The following TNRC6B variants were observed in gnomAD, a reference collection of about 807,000 sequenced individuals.
TNRC6B encodes trinucleotide repeat containing adaptor 6B.
A neutral mutation model predicts 203.6 loss-of-function variants in TNRC6B; 52 were observed. The observed-to-expected ratio is 0.26, with a 90% CI of 0.20 to 0.32. The LOEUF (loss-of-function observed/expected upper bound fraction) is 0.32, where lower values mean the gene tolerates loss of function less well. Among genes scored for constraint, TNRC6B ranks in the 10% least tolerant of loss-of-function variants. The probability of loss-of-function intolerance (pLI) is 1.00; values close to 1 mark genes in which losing one functional copy is unlikely to be tolerated. For missense variants in TNRC6B, 1,923 were observed against 2,286.2 expected, an observed-to-expected ratio of 0.84 and a Z score of 3.24; for synonymous variants, 838 against 845.7, an observed-to-expected ratio of 0.99 and a Z score of 0.16.
intron 1 of TNRC6B, among the ~76,000 whole-genome samples, chr22:40,109,758 T>G (rs760929387): frequency 6.6e-6 from 1 of 152,214 alleles, no homozygotes; most frequent in Non-Finnish European, 1.5e-5. Flanking sequence ...AATCCCAGTT[T>G]CTCTCTGAAG....
intron 15 of TNRC6B, among the ~76,000 whole-genome samples, chr22:40,303,025 C>T (rs1432704048): frequency 1.7e-5 from 2 of 116,902 alleles, no homozygotes; most frequent in African/African-American, 2.8e-5. Context: ...GTATTTCCTT[C>T]TTCTTCTTCT....
Position 40,308,423 on chromosome 22 carries a change from A to G in TNRC6B, c.4121-89A>G, listed in dbSNP as rs570584883. ...GAGAAACTCTGTGAATTAGTCTTTG[A>G]ATGACACTTGAAGGCATTCCTGGAC... On this transcript the variant is annotated intron_variant, in intron 15 of 22. Coordinates refer to ENST00000454349, the MANE Select transcript of TNRC6B (RefSeq NM_001162501.2). 8 of 1,454,658 alleles carry G rather than the reference A, an allele frequency of 5.5e-6. No individual in the cohort carries two copies. In the South Asian group the frequency reaches 8.0e-5, roughly 15 times the overall value. The allele number at this position is 1,454,658 out of a possible 1,614,324, so 90.1% of individuals were successfully genotyped here. A position where few individuals can be genotyped will look rare whatever the true frequency, so the allele number is the denominator to read the frequency against.
chr22:40,301,496 T>C, intron 15 of TNRC6B, 163 bp downstream of exon 15: 1 of 768,060 alleles, frequency 1.3e-6, no homozygotes, highest in Non-Finnish European at 2.0e-6. Flanking sequence ...TTCTTGAGTT[T>C]CAGTGGGTTT....
intron 1 of TNRC6B, among the ~76,000 whole-genome samples, chr22:40,104,881 A>T (rs2146307964): frequency 6.6e-6 from 1 of 152,326 alleles, no homozygotes; most frequent in South Asian, 2.1e-4. Context: ...GACCAATCGC[A>T]CACTACTAGT....
intron 1 of TNRC6B, among the ~76,000 whole-genome samples, chr22:40,083,016 T>C (rs545297095): frequency 3.9e-5 from 6 of 152,308 alleles, no homozygotes; most frequent in African/African-American, 1.2e-4. Context: ...ACTACAGATA[T>C]AAATATGAAG....
At chr22:40,203,318 T>C (rs1231715340) in intron 1 of TNRC6B, among the ~76,000 whole-genome samples, 2 of 152,104 alleles carry the variant, frequency 1.3e-5, no homozygotes, top group Non-Finnish European at 2.9e-5. Context: ...CCAGGGTTGT[T>C]TCTGGTTCTA....
rs573425176 is a variant in TNRC6B, at chr22:40,297,088, A to G, written c.3709-3367A>G. Among the ~76,000 whole-genome samples the G allele has an allele frequency of 3.9e-5, 6 of 152,366 alleles. No homozygotes were observed. In the East Asian group the frequency reaches 9.6e-4, roughly 24 times the overall value. The stretch of plus-strand genomic sequence containing the variant: ...AATCAATAATCATAGTTTGCTAACA[A>G]GTTTTCATACATTCCCTTCATTGAT... On this transcript the variant is annotated intron_variant, in intron 12 of 22. Coordinates refer to ENST00000454349, the MANE Select transcript of TNRC6B (RefSeq NM_001162501.2).
chr22:40,093,213 T>C (rs533599177), intron 1 of TNRC6B, among the ~76,000 whole-genome samples: 1 of 152,268 alleles, frequency 6.6e-6, no homozygotes, highest in South Asian at 2.1e-4. Flanking sequence ...TAAAGCAAAT[T>C]AGACACAAGT....
intron 3 of TNRC6B, among the ~76,000 whole-genome samples, chr22:40,152,227 T>C (rs1190164215): frequency 6.6e-6 from 1 of 152,250 alleles, no homozygotes; most frequent in Non-Finnish European, 1.5e-5. Flanking sequence ...GGACTTAGAA[T>C]GATACTGAGC....
In TNRC6B at chr22:40,327,690, C is replaced by G. The variant is rs1021743069; in HGVS notation, c.*4449C>G. ...TGGTATTCTTTGGCAAGAGCCATGT[C>G]TACTAAGAGGTTAGATGACTTCAGT... On this transcript the variant is annotated 3_prime_UTR_variant, in exon 23 of 23. Coordinates refer to ENST00000454349, the MANE Select transcript of TNRC6B (RefSeq NM_001162501.2). 3.9e-5 allele frequency: 6 copies of G among 152,194 alleles called. No homozygotes were observed. Among genetic ancestry groups the G allele is most frequent in the African/African-American group, 1.2e-4 (5 of 41,442 alleles). 9.4% of individuals were successfully genotyped at this position (152,194 alleles called of 1,614,324 possible).
chr22:40,250,903 G>C (rs2070181905), intron 2 of TNRC6B, among the ~76,000 whole-genome samples: 1 of 149,472 alleles, frequency 6.7e-6, no homozygotes, highest in Non-Finnish European at 1.5e-5. Flanking sequence ...AGCATTCTCA[G>C]TGGGACCTCA....
rs555412801 is a variant in TNRC6B at position 40,333,922 on chromosome 22, C to T, written c.*10681C>T. The stretch of plus-strand genomic sequence containing the variant: ...TTCGCCCCCATCTTTAAGATAAACC[C>T]TTTACTAGTCAAGAAGCCCTTTTCA... On this transcript the variant is annotated 3_prime_UTR_variant, in exon 23 of 23. Transcript: ENST00000454349. 2 of 152,700 alleles carry T rather than the reference C, an allele frequency of 1.3e-5. No homozygotes were observed. The highest frequency in any genetic ancestry group is 4.1e-4 in the South Asian group (2 of 4,824). 9.5% of individuals were successfully genotyped at this position (152,700 alleles called of 1,614,324 possible). A position where few individuals can be genotyped will look rare whatever the true frequency, so the allele number is the denominator to read the frequency against.
intron 21 of TNRC6B, among the ~76,000 whole-genome samples, chr22:40,320,217 C>T (rs955253970): frequency 2.0e-5 from 3 of 152,152 alleles, no homozygotes; most frequent in African/African-American, 7.2e-5. Flanking sequence ...CGCGGTGGCT[C>T]ATGCCTGTAA....
At chr22:40,140,968 C>G (rs1413767967) in intron 3 of TNRC6B, among the ~76,000 whole-genome samples, 1 of 151,984 alleles carries the variant, frequency 6.6e-6, no homozygotes, top group African/African-American at 2.4e-5. Context: ...ATTCTTTATT[C>G]TTGTAGTTTT....
rs760416543 is a variant in TNRC6B, at chr22:40,266,794, A to G, written c.2564A>G (p.Asn855Ser). Residue 855 changes from asparagine (N) to serine (S), a missense_variant, in exon 5 of 23, where the codon AAT (asparagine) becomes AGT (serine). By Grantham distance (46) the Asn-to-Ser change is conservative (BLOSUM62 1). Coordinates refer to ENST00000454349, the MANE Select transcript of TNRC6B (RefSeq NM_001162501.2). ...PPPPGNVRPSNSSWSSGPQPA... is the reference protein window; with the variant it reads ...PPPPGNVRPSSSSWSSGPQPA... ...CCTCCAGGCAACGTTCGACCTTCCAATTCCAGCTGGAGCAGCGGGCCACAG... is the reference window on the plus strand; with the variant it reads ...CCTCCAGGCAACGTTCGACCTTCCAGTTCCAGCTGGAGCAGCGGGCCACAG... 22 of 1,613,694 alleles carry G rather than the reference A, an allele frequency of 1.4e-5. No homozygotes were observed. In the East Asian group the frequency reaches 3.6e-4, roughly 26 times the overall value.
chr22:40,322,256 CAA>C (rs1188469431), intron 22 of TNRC6B, among the ~76,000 whole-genome samples: 2 of 152,104 alleles, frequency 1.3e-5, no homozygotes, highest in Non-Finnish European at 2.9e-5. Flanking sequence ...GAGGAAGATA[CAA>C]AGATTTCTGT....
intron 12 of TNRC6B, among the ~76,000 whole-genome samples, chr22:40,292,146 A>G (rs1451767540): frequency 2.0e-5 from 3 of 152,148 alleles, no homozygotes; most frequent in Non-Finnish European, 4.4e-5. Context: ...GTGAGCCGAG[A>G]TCGTGCCACT....
At chr22:40,221,765 T>TC (rs2069713333) in intron 1 of TNRC6B, among the ~76,000 whole-genome samples, 1 of 143,596 alleles carries the variant, frequency 7.0e-6, no homozygotes, top group Non-Finnish European at 1.5e-5. Context: ...CCCCCCCTTT[T>TC]TTTTTTTTGA....
chr22:40,109,544 CT>C (rs913824581), intron 1 of TNRC6B, among the ~76,000 whole-genome samples: 5 of 152,068 alleles, frequency 3.3e-5, no homozygotes, highest in Admixed American at 6.5e-5. Context: ...TGATAGTGAG[CT>C]TTTTTAAGTT....
Sources: allele counts gnomAD v4.1 joint callset (sites outside exome capture counted in the v4.1 genomes callset), GRCh38; gene constraint gnomAD v4.1.1; transcripts MANE v1.5; gene names NCBI Gene and HGNC (gene_info 2026-07-23, HGNC 2026-07-21).